The following CSMD2 variants were observed in gnomAD, a reference collection of about 807,000 sequenced individuals.
CSMD2 encodes the protein CUB and sushi domain-containing protein 2.
CSMD2 carries 130 observed loss-of-function variants against 398.5 expected under a neutral mutation model. The ratio of observed to expected loss-of-function variants is 0.33; its 90% CI spans 0.28 to 0.38. The LOEUF is 0.38. Among genes scored for constraint, CSMD2 ranks in the 10% least tolerant of loss-of-function variants. CSMD2 has a pLI of 1.00. For synonymous variants in CSMD2, 1,828 were observed against 1,908.5 expected (o/e 0.96, Z 1.10); for missense variants, 3,829 against 4,764.9 (o/e 0.80, Z 5.78).
chr1:33,580,943 A>G, intron 47 of CSMD2, 44 bp from the exon 48 acceptor site: 4 of 1,605,210 alleles, frequency 2.5e-6, no homozygotes, highest in Non-Finnish European at 3.4e-6. Context: ...GGGAGCCATC[A>G]CAGGGAGCCT....
At chr1:33,594,297 A>G (rs1292816143) in intron 44 of CSMD2, among the ~76,000 whole-genome samples, 1 of 152,202 alleles carries the variant, frequency 6.6e-6, no homozygotes, top group Non-Finnish European at 1.5e-5. Context: ...ATCCCTGCAA[A>G]TAACAATTTC....
intron 10 of CSMD2, among the ~76,000 whole-genome samples, chr1:33,809,102 T>G (rs1656563850): frequency 6.6e-6 from 1 of 151,928 alleles, no homozygotes; most frequent in Non-Finnish European, 1.5e-5. Flanking sequence ...CTACCAAACT[T>G]TCAAGGCAAA....
intron 2 of CSMD2, among the ~76,000 whole-genome samples, chr1:34,065,611 A>G (rs963682017): frequency 6.6e-6 from 1 of 152,200 alleles, no homozygotes; most frequent in African/African-American, 2.4e-5. Context: ...CTTGACCTCT[A>G]TAAACCTCAA....
At chr1:33,724,435 G>C in intron 18 of CSMD2, 81 bp downstream of exon 18, 1 of 1,545,890 alleles carries the variant, frequency 6.5e-7, no homozygotes, top group Middle Eastern at 1.8e-4. Flanking sequence ...GGGTGAGGGA[G>C]TCAGTGGTCT....
intron 44 of CSMD2, chr1:33,592,614 G>A (rs1334083185): frequency 1.5e-6 from 1 of 665,074 alleles, no homozygotes; most frequent in Non-Finnish European, 2.8e-6. Flanking sequence ...TCACTAAGTG[G>A]GCATCTTTCT....
intron 12 of CSMD2, among the ~76,000 whole-genome samples, chr1:33,780,132 C>G (rs1652529714): frequency 6.6e-6 from 1 of 152,134 alleles, no homozygotes; most frequent in Admixed American, 6.5e-5. Context: ...TCCCTCAGAG[C>G]CAGGGGTCGC....
At chr1:33,658,800 G>T (rs1644032959) in intron 26 of CSMD2, among the ~76,000 whole-genome samples, 2 of 152,184 alleles carry the variant, frequency 1.3e-5, no homozygotes, top group Non-Finnish European at 2.9e-5. Context: ...GGAGGTTAAG[G>T]CTGCAGTGAG....
intron 2 of CSMD2, among the ~76,000 whole-genome samples, chr1:34,085,378 C>CAAT (rs60890896): frequency 0.3 from 44,808 of 149,134 alleles, 7,071 homozygotes; most frequent in Admixed American, 0.4. Flanking sequence ...CTTAAAAGTA[C>CAAT]AATAATAATA....
intron 12 of CSMD2, among the ~76,000 whole-genome samples, chr1:33,788,305 C>T (rs1037265551): frequency 9.9e-5 from 15 of 151,794 alleles, no homozygotes; most frequent in Non-Finnish European, 1.6e-4. Context: ...GTCAGGAGTT[C>T]GAGATCAGCT....
At chr1:33,687,562 TA>T (rs560690228) in intron 25 of CSMD2, among the ~76,000 whole-genome samples, 12 of 151,574 alleles carry the variant, frequency 7.9e-5, no homozygotes, top group East Asian at 3.9e-4. Flanking sequence ...GAGTTAACAA[TA>T]AAAAAAAGCA....
chr1:34,141,340 A>C (rs1365007433), intron 1 of CSMD2, among the ~76,000 whole-genome samples: 2 of 152,166 alleles, frequency 1.3e-5, no homozygotes, highest in Non-Finnish European at 1.5e-5. Context: ...CCTTGATCTC[A>C]TGGGATTTGC....
At chr1:34,086,801 A>G (rs959250827) in intron 2 of CSMD2, among the ~76,000 whole-genome samples, 1 of 151,998 alleles carries the variant, frequency 6.6e-6, no homozygotes, top group African/African-American at 2.4e-5. Flanking sequence ...GAACCCTCCA[A>G]GGGTTTCCTG....
chr1:33,919,815 A>G (rs551280698), intron 4 of CSMD2, among the ~76,000 whole-genome samples: 3 of 150,732 alleles, frequency 2.0e-5, no homozygotes, highest in East Asian at 3.9e-4. Flanking sequence ...TTGTGTTAAT[A>G]TATTCATTCA....
chr1:33,598,190 T>A (rs945992912), intron 44 of CSMD2, among the ~76,000 whole-genome samples: 3 of 152,244 alleles, frequency 2.0e-5, no homozygotes, highest in African/African-American at 7.2e-5. Flanking sequence ...TTAGGCTCAA[T>A]GATGGTGTTC....
chr1:34,009,195 T>C (rs1570794608), intron 3 of CSMD2, among the ~76,000 whole-genome samples: 3 of 152,186 alleles, frequency 2.0e-5, no homozygotes, highest in Non-Finnish European at 4.4e-5. Flanking sequence ...CTCACCCTTG[T>C]CTCTCCTATG....
chr1:33,704,480 G>C (rs145591848), intron 22 of CSMD2, among the ~76,000 whole-genome samples: 53 of 152,202 alleles, frequency 3.5e-4, no homozygotes, highest in Non-Finnish European at 6.8e-4. Context: ...TATCAAGTTA[G>C]GAAAGTTCTA....
chr1:33,934,178 TGAACTAAA>T (rs1644396035), intron 4 of CSMD2, among the ~76,000 whole-genome samples: 1 of 152,196 alleles, frequency 6.6e-6, no homozygotes, highest in African/African-American at 2.4e-5. Flanking sequence ...AAATAAAATT[TGAACTAAA>T]GGAGGAGCTA....
chr1:33,675,014 C>T (rs1241142117), intron 25 of CSMD2, among the ~76,000 whole-genome samples: 1 of 152,110 alleles, frequency 6.6e-6, no homozygotes, highest in African/African-American at 2.4e-5. Context: ...CAGGAAAGAT[C>T]CAAAATTGAC....
chr1:33,640,826 A>G (rs967204891), intron 29 of CSMD2, among the ~76,000 whole-genome samples: 6 of 152,218 alleles, frequency 3.9e-5, no homozygotes, highest in African/African-American at 9.6e-5. Context: ...TCTAATTTGC[A>G]TTTAAGAAGA....
Sources: allele counts gnomAD v4.1 joint callset (sites outside exome capture counted in the v4.1 genomes callset), GRCh38; gene constraint gnomAD v4.1.1; transcripts MANE v1.5; gene names NCBI Gene and HGNC (gene_info 2026-07-23, HGNC 2026-07-21).